Variants in DENND11 observed in about 807,000 individuals in gnomAD.
The protein encoded by DENND11 is DENN domain-containing protein 11.
In DENND11, 34 loss-of-function variants were observed where a neutral mutation model predicts 49.2. The ratio of observed to expected loss-of-function variants is 0.69; its 90% CI spans 0.53 to 0.92. The LOEUF (loss-of-function observed/expected upper bound fraction) is 0.92. DENND11 is among the 40% of genes least tolerant of loss of function. The pLI is 0.00. For missense variants in DENND11, 475 were observed against 581.6 expected (o/e 0.82, Z 1.88); for synonymous variants, 238 against 230.3 (o/e 1.03, Z -0.30).
rs1252564911 is a variant in DENND11, at chr7:141,679,544, C to T, written c.528-5324G>A. ...TCTGACCAACATGGAGAAACCCCAC[C>T]TCTACTAAAAATACAGAATTAGCCA... On this transcript the variant is annotated intron_variant, in intron 3 of 8. Transcript: ENST00000536163. Among the ~76,000 whole-genome samples the T allele has an allele frequency of 3.9e-5, 6 of 151,990 alleles. No individual in the cohort carries two copies. The East Asian group carries it at 1.2e-3, about 29-fold the overall frequency.
chr7:141,695,991 G>C (rs1798406022), intron 1 of DENND11, among the ~76,000 whole-genome samples: 1 of 152,236 alleles, frequency 6.6e-6, no homozygotes, highest in Non-Finnish European at 1.5e-5. Flanking sequence ...GTGCCTGCCA[G>C]GTGCTGAGCT....
At position 141,659,834 on chromosome 7, in the gene DENND11, A is replaced by G. The variant is rs1797761792; in HGVS notation, c.*2822T>C. 6.6e-6 allele frequency: 1 copy of G among 152,206 alleles called. No individual in the cohort carries two copies. Among genetic ancestry groups the G allele is most frequent in the African/African-American group, 2.4e-5 (1 of 41,460 alleles). The allele number at this position is 152,206 out of a possible 1,614,324, so 9.4% of individuals were successfully genotyped here. On this transcript the variant is annotated 3_prime_UTR_variant, in exon 9 of 9. Transcript: ENST00000536163. ...GGTGGTCATCATAATGCCCGCCCCT[A>G]AAGAGCTTACAGACCTAGAAGTCTG...
rs1350536467 is a variant in DENND11 at position 141,658,275 on chromosome 7, T to C, written c.*4381A>G. The C allele has an allele frequency of 6.6e-6, 1 of 152,176 alleles. No homozygotes were observed. Among genetic ancestry groups the C allele is most frequent in the African/African-American group, 2.4e-5 (1 of 41,442 alleles). The allele number at this position is 152,176 out of a possible 1,614,324, so 9.4% of individuals were successfully genotyped here. The stretch of plus-strand genomic sequence containing the variant: ...CACAGTTAGCCTTTTCCCACAACAC[T>C]CAATACTCCAGTAGCTTCTAGGAAG... On this transcript the variant is annotated 3_prime_UTR_variant, in exon 9 of 9. Coordinates refer to ENST00000536163, the MANE Select transcript of DENND11 (RefSeq NM_001080392.2).
chr7:141,667,593 T>C (rs1195637257), intron 4 of DENND11, among the ~76,000 whole-genome samples: 1 of 152,126 alleles, frequency 6.6e-6, no homozygotes, highest in African/African-American at 2.4e-5. Flanking sequence ...CATGCCAAAG[T>C]GCCAGAAGAA....
intron 1 of DENND11, among the ~76,000 whole-genome samples, chr7:141,697,998 C>A (rs556824901): frequency 2.6e-5 from 4 of 152,322 alleles, no homozygotes; most frequent in African/African-American, 4.8e-5. Flanking sequence ...CCTTACCCCT[C>A]CTCTTGCAAG....
intron 4 of DENND11, among the ~76,000 whole-genome samples, chr7:141,671,871 C>T (rs185604211): frequency 7.2e-5 from 11 of 152,196 alleles, no homozygotes; most frequent in Admixed American, 3.9e-4. Flanking sequence ...TCTCAGCCTA[C>T]GCCACGGGGT....
rs959759590 is a variant in DENND11, at chr7:141,696,724, G to C, written c.268+5162C>G. ...AAGGCATGAATCAAAGAGTATTCTAGGTCCCAACAATACATTCCCTTCACA... is the reference window on the plus strand; with the variant it reads ...AAGGCATGAATCAAAGAGTATTCTACGTCCCAACAATACATTCCCTTCACA... On this transcript the variant is annotated intron_variant, in intron 1 of 8. Transcript: ENST00000536163. 5.5e-4 allele frequency among the ~76,000 whole-genome samples: 83 copies of C among 152,188 alleles called. 1 individual carries two copies. The highest frequency in any genetic ancestry group is 2.0e-3 in the African/African-American group (83 of 41,446).
rs1168105342 is a variant in DENND11 at position 141,656,817 on chromosome 7, T to C, written c.*5839A>G. The C allele has an allele frequency of 6.5e-6, 1 of 152,824 alleles. No homozygotes were observed. Among genetic ancestry groups the C allele is most frequent in the Non-Finnish European group, 1.5e-5 (1 of 68,080 alleles). The allele number at this position is 152,824 out of a possible 1,614,324, so 9.5% of individuals were successfully genotyped here. The stretch of plus-strand genomic sequence containing the variant: ...CTCTGCACACAACTTGGTTCAGATA[T>C]ATACAGATATGATATTCATAGATGT... On this transcript the variant is annotated 3_prime_UTR_variant, in exon 9 of 9. Transcript: ENST00000536163.
chr7:141,687,631 A>ATTTTTT (rs36080710), intron 1 of DENND11, among the ~76,000 whole-genome samples: 41 of 112,788 alleles, frequency 3.6e-4, no homozygotes, highest in Non-Finnish European at 5.3e-4. Context: ...CACTCGGCTA[A>ATTTTTT]TTTTTTTTTT....
rs117300696 is a variant in DENND11 at position 141,673,581 on chromosome 7, T to C, written c.681+486A>G. Among the ~76,000 whole-genome samples, 24 of 152,364 alleles carry C rather than the reference T, an allele frequency of 1.6e-4. No individual in the cohort carries two copies. In the East Asian group the frequency reaches 4.4e-3, roughly 28 times the overall value. On this transcript the variant is annotated intron_variant, in intron 4 of 8. Coordinates refer to ENST00000536163, the MANE Select transcript of DENND11 (RefSeq NM_001080392.2). ...AGAGGGAAGAGAAAGAGGAGATTCA[T>C]GTTCTTAGTCATATTTGCACCCTTC... is the stretch of plus-strand genomic sequence containing the variant.
At chr7:141,699,086 T>C (rs1170717548) in intron 1 of DENND11, among the ~76,000 whole-genome samples, 1 of 152,082 alleles carries the variant, frequency 6.6e-6, no homozygotes, top group Admixed American at 6.5e-5. Context: ...ATCACACCTA[T>C]GTAAGAACTT....
intron 3 of DENND11, among the ~76,000 whole-genome samples, chr7:141,674,536 C>T (rs1170829536): frequency 1.3e-5 from 2 of 152,116 alleles, no homozygotes; most frequent in Non-Finnish European, 2.9e-5. Flanking sequence ...GAGCAAGGTA[C>T]GCCGGAGACT....
At chr7:141,694,862 C>T (rs543720923) in intron 1 of DENND11, among the ~76,000 whole-genome samples, 1 of 152,186 alleles carries the variant, frequency 6.6e-6, no homozygotes, top group Non-Finnish European at 1.5e-5. Flanking sequence ...CAGGTCACCT[C>T]GTTCTGGGCC....
At chr7:141,684,109 T>C (rs953809071) in intron 3 of DENND11, among the ~76,000 whole-genome samples, 4 of 152,120 alleles carry the variant, frequency 2.6e-5, no homozygotes, top group Admixed American at 2.6e-4. Context: ...TTTGTTTTTG[T>C]AGAGTTGGAA....
chr7:141,670,089 C>T (rs1023144536), intron 4 of DENND11, among the ~76,000 whole-genome samples: 10 of 150,896 alleles, frequency 6.6e-5, no homozygotes, highest in Admixed American at 1.3e-4. Flanking sequence ...GGATTACAGG[C>T]GTGAGCCACC....
intron 1 of DENND11, chr7:141,701,457 G>C (rs914412872): frequency 6.8e-5 from 10 of 146,646 alleles, no homozygotes; most frequent in African/African-American, 2.0e-4. Flanking sequence ...GGGGGCGAGC[G>C]GGGAGCTCAG....
chr7:141,687,168 G>A (rs1798255956), intron 1 of DENND11, among the ~76,000 whole-genome samples: 1 of 152,116 alleles, frequency 6.6e-6, no homozygotes, highest in African/African-American at 2.4e-5. Flanking sequence ...GGATTTTCAT[G>A]ATAGAATACT....
In DENND11 at chr7:141,689,570, A is replaced by G. The variant is rs548629231; in HGVS notation, c.269-2912T>C. Among the ~76,000 whole-genome samples, 8 of 151,448 alleles carry G rather than the reference A, an allele frequency of 5.3e-5. No individual in the cohort carries two copies. In the South Asian group the frequency reaches 1.7e-3, roughly 31 times the overall value. On this transcript the variant is annotated intron_variant, in intron 1 of 8. Transcript: ENST00000536163. ...ATGGCACATGTTTACCTATGTAACA[A>G]ACCTGCACATCCTGCACATGTATCC...
At chr7:141,696,578 G>A (rs973718939) in intron 1 of DENND11, among the ~76,000 whole-genome samples, 1 of 152,172 alleles carries the variant, frequency 6.6e-6, no homozygotes. Flanking sequence ...GACCTCAGGA[G>A]TGGAACTCCC....
Sources: gnomAD v4.1 joint callset for allele counts (sites outside exome capture counted in the v4.1 genomes callset) on GRCh38, gnomAD v4.1.1 for gene constraint, MANE v1.5 for transcripts, NCBI Gene and HGNC (gene_info 2026-07-23, HGNC 2026-07-21) for gene names.